The following TYR variants were observed in gnomAD, a reference collection of about 807,000 sequenced individuals.
The protein encoded by TYR is tyrosinase.
A neutral mutation model predicts 51.5 loss-of-function variants in TYR; 58 were observed. The ratio of observed to expected loss-of-function variants is 1.13; its 90% CI spans 0.91 to 1.40. TYR has a LOEUF of 1.40. Ranked by LOEUF, TYR falls within the 40% of genes most tolerant of loss-of-function variation. The pLI is 0.00. For synonymous variants in TYR, 263 were observed against 235.2 expected, an observed-to-expected ratio of 1.12 and a Z score of -1.08; for missense variants, 732 against 647.4, an observed-to-expected ratio of 1.13 and a Z score of -1.42.
At chr11:89,287,405 G>A (rs1467948113) in intron 4 of TYR, among the ~76,000 whole-genome samples, 1 of 151,742 alleles carries the variant, frequency 6.6e-6, no homozygotes, top group Non-Finnish European at 1.5e-5. Flanking sequence ...TCTGTACTGA[G>A]TTGTTTATTC....
At chr11:89,206,141 G>C (rs993210170) in intron 2 of TYR, among the ~76,000 whole-genome samples, 1 of 151,832 alleles carries the variant, frequency 6.6e-6, no homozygotes, top group Non-Finnish European at 1.5e-5. Flanking sequence ...GAAAAAAATA[G>C]GTTTAAGCCA....
At chr11:89,207,534 G>A (rs994214348) in intron 2 of TYR, among the ~76,000 whole-genome samples, 4 of 151,970 alleles carry the variant, frequency 2.6e-5, no homozygotes, top group African/African-American at 7.2e-5. Context: ...GAATCAACCA[G>A]GAATTTAACA....
intron 3 of TYR, among the ~76,000 whole-genome samples, chr11:89,231,858 G>A (rs965841113): frequency 7.1e-6 from 1 of 139,938 alleles, no homozygotes; most frequent in Non-Finnish European, 1.5e-5. Context: ...GGTGGTGTGC[G>A]CTTGTGATCA....
rs1943375046 is a variant in TYR, at chr11:89,186,526, G to A, written c.820-4676G>A. 3.3e-5 allele frequency among the ~76,000 whole-genome samples: 5 copies of A among 152,088 alleles called. No individual in the cohort carries two copies. In the South Asian group the frequency reaches 1.0e-3, roughly 31 times the overall value. On this transcript the variant is annotated intron_variant, in intron 1 of 4. Coordinates refer to ENST00000263321, the MANE Select transcript of TYR (RefSeq NM_000372.5). Reference sequence around the variant, plus strand: ...CAAGGCCACTGGTGGGAGGAAAGAGGTCAACATTTCACTGTCACTCTCCAT... The same window carrying A: ...CAAGGCCACTGGTGGGAGGAAAGAGATCAACATTTCACTGTCACTCTCCAT...
Position 89,264,149 on chromosome 11 carries a change from C to T in TYR, c.1185-20624C>T, listed in dbSNP as rs186739703. 4.9e-3 allele frequency among the ~76,000 whole-genome samples: 752 copies of T among 151,974 alleles called. 3 individuals are homozygous for T. The highest frequency in any genetic ancestry group is 0.035 in the South Asian group (170 of 4,816). On this transcript the variant is annotated intron_variant, in intron 3 of 4. Coordinates refer to ENST00000263321, the MANE Select transcript of TYR (RefSeq NM_000372.5). ...CACTTGTTTTGCAAAGGAGAAGATC[C>T]GTGAAGCTTCTCCCACTGCCAATCC...
chr11:89,290,171 G>A (rs972105777), intron 4 of TYR, among the ~76,000 whole-genome samples: 6 of 152,004 alleles, frequency 3.9e-5, no homozygotes, highest in African/African-American at 1.2e-4. Flanking sequence ...ACTTCACAGA[G>A]GGAAGGATGA....
At chr11:89,291,858 C>T (rs759212567) in intron 4 of TYR, among the ~76,000 whole-genome samples, 3 of 151,886 alleles carry the variant, frequency 2.0e-5, no homozygotes, top group Non-Finnish European at 2.9e-5. Flanking sequence ...ATGATTTTAA[C>T]TCTCTTACAG....
At chr11:89,288,244 T>C (rs74881340) in intron 4 of TYR, among the ~76,000 whole-genome samples, 3,308 of 152,056 alleles carry the variant, frequency 0.022, 127 homozygotes, top group African/African-American at 0.077. Context: ...GGAAGGGTGA[T>C]TTTTATTCTG....
At chr11:89,188,840 G>T (rs7117190) in intron 1 of TYR, among the ~76,000 whole-genome samples, 31,209 of 151,768 alleles carry the variant, frequency 0.21, 4,481 homozygotes, top group African/African-American at 0.41. Context: ...TTTTGGGAAG[G>T]GCAAAGAGGC....
chr11:89,217,307 G>A lies in TYR; in HGVS notation c.1037-10516G>A, dbSNP rs73531532. Among the ~76,000 whole-genome samples, 1,420 of 152,268 alleles carry A rather than the reference G, an allele frequency of 9.3e-3. 17 individuals are homozygous for A. Among genetic ancestry groups the A allele is most frequent in the African/African-American group, 0.033 (1,372 of 41,548 alleles). Reference sequence around the variant, plus strand: ...AAACGTATGCCAAAATCTTAGTGATGTAATCCAATAAAAATGAATTTCTTG... The same window carrying A: ...AAACGTATGCCAAAATCTTAGTGATATAATCCAATAAAAATGAATTTCTTG... On this transcript the variant is annotated intron_variant, in intron 2 of 4. Coordinates refer to ENST00000263321, the MANE Select transcript of TYR (RefSeq NM_000372.5).
chr11:89,198,156 T>A (rs964731504), intron 2 of TYR, among the ~76,000 whole-genome samples: 2 of 151,946 alleles, frequency 1.3e-5, no homozygotes, highest in African/African-American at 4.8e-5. Flanking sequence ...CAATGAAGCC[T>A]CCATAGGTAA....
intron 3 of TYR, among the ~76,000 whole-genome samples, chr11:89,236,826 G>A (rs1332921962): frequency 6.6e-6 from 1 of 152,038 alleles, no homozygotes; most frequent in Non-Finnish European, 1.5e-5. Flanking sequence ...GACCTATCTA[G>A]TTTGTACACA....
chr11:89,239,326 T>A (rs1944161532), intron 3 of TYR, among the ~76,000 whole-genome samples: 2 of 152,122 alleles, frequency 1.3e-5, no homozygotes, highest in South Asian at 4.1e-4. Flanking sequence ...TTTCTTGGAA[T>A]TTATCTATTT....
chr11:89,191,134 C>A, intron 1 of TYR, 68 bp from the exon 2 acceptor site: 2 of 1,423,636 alleles, frequency 1.4e-6, no homozygotes, highest in Non-Finnish European at 2.0e-6. Flanking sequence ...GGAGTTCCAA[C>A]ATTTCTGCCT....
Position 89,258,477 on chromosome 11 carries a change from C to T in TYR, c.1185-26296C>T, listed in dbSNP as rs575159584. ...AAAAAAAAAGTGAAATAAGTTGGGG[C>T]TGTTTCTGGCTCAGTGTGAAGTATG... On this transcript the variant is annotated intron_variant, in intron 3 of 4. Transcript: ENST00000263321. 7.3e-5 allele frequency among the ~76,000 whole-genome samples: 11 copies of T among 149,714 alleles called. No homozygotes were observed. The East Asian group carries it at 2.2e-3, about 29-fold the overall frequency.
intron 3 of TYR, among the ~76,000 whole-genome samples, chr11:89,242,555 T>G (rs756166038): frequency 6.6e-6 from 1 of 152,116 alleles, no homozygotes; most frequent in Non-Finnish European, 1.5e-5. Flanking sequence ...GTGGAAGGAC[T>G]TTGGTGAAGG....
intron 3 of TYR, among the ~76,000 whole-genome samples, chr11:89,247,637 T>C (rs1426305801): frequency 6.6e-6 from 1 of 152,086 alleles, no homozygotes; most frequent in Admixed American, 6.6e-5. Flanking sequence ...TAAAGAGAAT[T>C]TCAAGATCAT....
chr11:89,247,310 C>T (rs1944279319), intron 3 of TYR, among the ~76,000 whole-genome samples: 1 of 152,164 alleles, frequency 6.6e-6, no homozygotes, highest in Non-Finnish European at 1.5e-5. Context: ...ACATTCATTA[C>T]ATACTTATTA....
chr11:89,212,409 G>C (rs367915356), intron 2 of TYR, among the ~76,000 whole-genome samples: 1 of 152,064 alleles, frequency 6.6e-6, no homozygotes, highest in African/African-American at 2.4e-5. Flanking sequence ...TCTCTGAATA[G>C]ACCAATAACA....
Sources: allele counts gnomAD v4.1 joint callset (sites outside exome capture counted in the v4.1 genomes callset), GRCh38; gene constraint gnomAD v4.1.1; transcripts MANE v1.5; gene names NCBI Gene and HGNC (gene_info 2026-07-23, HGNC 2026-07-21).